TMEFF1: variants seen among roughly 807,000 people sequenced by gnomAD.
TMEFF1 encodes tomoregulin-1.
A neutral mutation model predicts 47.5 loss-of-function variants in TMEFF1; 20 were observed. The observed-to-expected ratio is 0.42, with a 90% confidence interval of 0.30 to 0.61. The LOEUF (loss-of-function observed/expected upper bound fraction) is 0.61, where lower values mean the gene tolerates loss of function less well. TMEFF1 is among the 20% of genes least tolerant of loss of function. TMEFF1 has a pLI of 0.19. For synonymous variants in TMEFF1, 162 were observed against 166.3 expected (o/e 0.97, Z 0.20); for missense variants, 411 against 471.1 (o/e 0.87, Z 1.18).
chr9:100,562,626 T>TTTG (rs1185696426), intron 8 of TMEFF1, among the ~76,000 whole-genome samples: 286 of 134,164 alleles, frequency 2.1e-3, no homozygotes, highest in South Asian at 0.015. Flanking sequence ...AGGTTTTTTT[T>TTTG]TTTGTTTGTT....
At chr9:100,537,214 A>G (rs1838530894) in intron 5 of TMEFF1, among the ~76,000 whole-genome samples, 1 of 152,204 alleles carries the variant, frequency 6.6e-6, no homozygotes, top group South Asian at 2.1e-4. Flanking sequence ...GCCTGTGTTT[A>G]TGTAAGCATA....
rs532439123 is a variant in TMEFF1, at chr9:100,498,891, T to C, written c.306+17T>C. The C allele has an allele frequency of 6.2e-7, 1 of 1,603,806 alleles. No homozygotes were observed. The highest frequency in any genetic ancestry group is 8.5e-7 in the Non-Finnish European group (1 of 1,177,288). On this transcript the variant is annotated intron_variant, in intron 2 of 9. Transcript: ENST00000374879. ...CAATTTCAGGTGAGGAAACCCAGCC[T>C]ATTTTGAAAAGTTTTATATTCTTCG...
At chr9:100,500,806 T>C (rs1837742459) in intron 2 of TMEFF1, among the ~76,000 whole-genome samples, 1 of 152,214 alleles carries the variant, frequency 6.6e-6, no homozygotes, top group Admixed American at 6.5e-5. Context: ...ATCATATGTT[T>C]TAGAGTGTGT....
intron 1 of TMEFF1, among the ~76,000 whole-genome samples, chr9:100,477,100 G>A (rs1398209545): frequency 6.6e-6 from 1 of 152,136 alleles, no homozygotes; most frequent in Middle Eastern, 3.2e-3. Context: ...GAGCTGATTC[G>A]GTCAGGCTGT....
chr9:100,498,611 A>G (rs993420103), intron 1 of TMEFF1, among the ~76,000 whole-genome samples, 154 bp from the exon 2 acceptor site: 1 of 152,010 alleles, frequency 6.6e-6, no homozygotes, highest in African/African-American at 2.4e-5. Context: ...GTCTTACAGA[A>G]TTTCTTTTTG....
At chr9:100,516,899 T>C in intron 5 of TMEFF1, 128 bp downstream of exon 5, 2 of 1,093,686 alleles carry the variant, frequency 1.8e-6, no homozygotes, top group East Asian at 5.4e-5. Flanking sequence ...TTTTGTTTAA[T>C]GCTAGTCTAT....
intron 1 of TMEFF1, among the ~76,000 whole-genome samples, chr9:100,497,977 T>C (rs951745681): frequency 6.6e-6 from 1 of 152,012 alleles, no homozygotes; most frequent in African/African-American, 2.4e-5. Context: ...TTTTGTAAGC[T>C]CTCATTCCCC....
At position 100,558,037 on chromosome 9, in the gene TMEFF1, T is replaced by C. The variant is rs1005865942; in HGVS notation, c.776-3360T>C. 3.3e-5 allele frequency among the ~76,000 whole-genome samples: 5 copies of C among 152,174 alleles called. No homozygotes were observed. In the South Asian group the frequency reaches 8.3e-4, roughly 25 times the overall value. The stretch of plus-strand genomic sequence containing the variant: ...ACTTTGCCTACAGCTTGATACCACA[T>C]TCTTTCATTAATTCATTCAGTATAT... On this transcript the variant is annotated intron_variant, in intron 7 of 9. Transcript: ENST00000374879.
At chr9:100,544,743 C>T (rs1222162955) in intron 5 of TMEFF1, among the ~76,000 whole-genome samples, 1 of 152,230 alleles carries the variant, frequency 6.6e-6, no homozygotes, top group African/African-American at 2.4e-5. Context: ...TCCTTTCTGC[C>T]TATAAGCCTG....
chr9:100,561,753 C>A (rs2118548814), intron 8 of TMEFF1, among the ~76,000 whole-genome samples: 2 of 150,960 alleles, frequency 1.3e-5, no homozygotes, highest in East Asian at 1.9e-4. Context: ...TAATACTATA[C>A]ATTTTTAATA....
chr9:100,485,157 T>C (rs778095374), intron 1 of TMEFF1, among the ~76,000 whole-genome samples: 2 of 152,238 alleles, frequency 1.3e-5, no homozygotes, highest in African/African-American at 2.4e-5. Flanking sequence ...TATTTCATTG[T>C]CTCGATAATA....
rs566217363 is a variant in TMEFF1 at position 100,522,834 on chromosome 9, A to G, written c.560+6063A>G. On this transcript the variant is annotated intron_variant, in intron 5 of 9. Coordinates refer to ENST00000374879, the MANE Select transcript of TMEFF1 (RefSeq NM_003692.5). ...ACTGCAAGCTCCGCCTCTGGGGTTC[A>G]CGCCATTCTCCTGCCTCAGCCTCTC... is the stretch of plus-strand genomic sequence containing the variant. 8.5e-5 allele frequency among the ~76,000 whole-genome samples: 13 copies of G among 152,078 alleles called. No homozygotes were observed. The South Asian group carries it at 1.5e-3, about 17-fold the overall frequency.
intron 5 of TMEFF1, among the ~76,000 whole-genome samples, chr9:100,535,390 A>AT (rs1334481607): frequency 6.6e-6 from 1 of 152,204 alleles, no homozygotes; most frequent in South Asian, 2.1e-4. Context: ...TTGGGGGCAT[A>AT]TTGAAAGGAA....
At chr9:100,505,386 T>C (rs887414734) in intron 2 of TMEFF1, among the ~76,000 whole-genome samples, 12 of 110,846 alleles carry the variant, frequency 1.1e-4, no homozygotes, top group Non-Finnish European at 1.5e-4. Context: ...CACTCCAACC[T>C]GGCGACAGAC....
chr9:100,539,024 A>G (rs1350279889), intron 5 of TMEFF1, among the ~76,000 whole-genome samples: 1 of 152,110 alleles, frequency 6.6e-6, no homozygotes, highest in Non-Finnish European at 1.5e-5. Context: ...CATGCTTCAC[A>G]GCCTCCTGAG....
intron 5 of TMEFF1, among the ~76,000 whole-genome samples, chr9:100,522,052 T>C (rs1368099752): frequency 6.6e-6 from 1 of 152,228 alleles, no homozygotes; most frequent in African/African-American, 2.4e-5. Context: ...GACGAGTCTC[T>C]CCCTCAGAAG....
intron 5 of TMEFF1, among the ~76,000 whole-genome samples, chr9:100,539,882 G>A (rs571611970): frequency 1.3e-5 from 2 of 152,212 alleles, no homozygotes; most frequent in Non-Finnish European, 2.9e-5. Context: ...TGATTGGTCC[G>A]TTTTGACAGA....
intron 2 of TMEFF1, among the ~76,000 whole-genome samples, chr9:100,501,230 T>G (rs1032385450): frequency 6.6e-6 from 1 of 152,230 alleles, no homozygotes; most frequent in African/African-American, 2.4e-5. Context: ...GTGGAATTGT[T>G]GGGCCAGTGG....
chr9:100,555,194 C>T (rs570006239), intron 7 of TMEFF1, among the ~76,000 whole-genome samples: 118 of 151,616 alleles, frequency 7.8e-4, no homozygotes, highest in African/African-American at 1.2e-3. Context: ...CACACACACA[C>T]GCACACACAT....
Sources: gnomAD v4.1 joint callset for allele counts (sites outside exome capture counted in the v4.1 genomes callset) on GRCh38, gnomAD v4.1.1 for gene constraint, MANE v1.5 for transcripts, NCBI Gene and HGNC (gene_info 2026-07-23, HGNC 2026-07-21) for gene names.